GRIN2B: variants seen among roughly 807,000 people sequenced by gnomAD.
GRIN2B encodes glutamate ionotropic receptor NMDA type subunit 2B, also known as glutamate receptor ionotropic, NMDA 2B.
Under a neutral mutation model 114.5 loss-of-function variants are expected in GRIN2B, and 5 were observed. The ratio of observed to expected loss-of-function variants is 0.04; its 90% CI spans 0.02 to 0.09. The LOEUF is 0.09. Among genes scored for constraint, GRIN2B ranks in the 10% least tolerant of loss-of-function variants. The pLI is 1.00. For missense variants in GRIN2B, 1,108 were observed against 1,943.5 expected (o/e 0.57, Z 8.08); for synonymous variants, 787 against 745.1 (o/e 1.06, Z -0.92).
chr12:13,810,370 G>A (rs935412756), intron 3 of GRIN2B, among the ~76,000 whole-genome samples: 4 of 151,564 alleles, frequency 2.6e-5, no homozygotes, highest in Non-Finnish European at 5.9e-5. Flanking sequence ...GTGTGTGTGT[G>A]CGCGCATTTG....
rs200144225 is a variant in GRIN2B, at chr12:13,717,070, T to C, written c.1010+36247A>G. Among the ~76,000 whole-genome samples the C allele has an allele frequency of 4.7e-3, 434 of 91,862 alleles. 6 individuals are homozygous for C. The East Asian group carries it at 0.055, about 12-fold the overall frequency. 60.3% of individuals were successfully genotyped at this position (91,862 alleles called of 152,430 possible). ...TGCATTGTATCATGCCATACGCGTG[T>C]GTGTGTGTGTGTGTGTGTGTGTGTG... On this transcript the variant is annotated intron_variant, in intron 4 of 13. Coordinates refer to ENST00000609686, the MANE Select transcript of GRIN2B (RefSeq NM_000834.5).
rs997687741 is a variant in GRIN2B at position 13,741,188 on chromosome 12, C to T, written c.1010+12129G>A. Among the ~76,000 whole-genome samples, 11 of 152,132 alleles carry T rather than the reference C, an allele frequency of 7.2e-5. 1 individual carries two copies. Among genetic ancestry groups the T allele is most frequent in the Admixed American group, 2.0e-4 (3 of 15,280 alleles). ...GGGATTACAGGCATCCGCCACCACG[C>T]CCGGCTAATTTTTTTGTATTTTTAG... On this transcript the variant is annotated intron_variant, in intron 4 of 13. Coordinates refer to ENST00000609686, the MANE Select transcript of GRIN2B (RefSeq NM_000834.5).
intron 2 of GRIN2B, among the ~76,000 whole-genome samples, chr12:13,941,977 T>C (rs965774617): frequency 1.3e-5 from 2 of 152,198 alleles, no homozygotes; most frequent in Non-Finnish European, 2.9e-5. Flanking sequence ...TCGGTACAAA[T>C]GTTTGAGTCA....
chr12:13,678,268 GC>G (rs1950094650), intron 4 of GRIN2B, among the ~76,000 whole-genome samples: 1 of 152,050 alleles, frequency 6.6e-6, no homozygotes, highest in African/African-American at 2.4e-5. Flanking sequence ...CTCCTGTCCA[GC>G]CCACCACCAC....
chr12:13,619,395 A>G (rs771195763), intron 5 of GRIN2B, among the ~76,000 whole-genome samples: 14 of 152,230 alleles, frequency 9.2e-5, no homozygotes, highest in Non-Finnish European at 1.5e-4. Flanking sequence ...GGAAGGTACG[A>G]ATGATCCTAC....
chr12:13,689,310 C>T (rs1255960790), intron 4 of GRIN2B, among the ~76,000 whole-genome samples: 1 of 152,146 alleles, frequency 6.6e-6, no homozygotes, highest in Non-Finnish European at 1.5e-5. Context: ...TCCTCTCTCT[C>T]AATGAGTTAA....
intron 4 of GRIN2B, among the ~76,000 whole-genome samples, chr12:13,696,011 T>A (rs1391229903): frequency 6.6e-6 from 1 of 152,182 alleles, no homozygotes; most frequent in Non-Finnish European, 1.5e-5. Flanking sequence ...CAGGACACTA[T>A]CAAGGTATGA....
At chr12:13,784,742 GACC>G in intron 3 of GRIN2B, among the ~76,000 whole-genome samples, 1 of 152,304 alleles carries the variant, frequency 6.6e-6, no homozygotes, top group Non-Finnish European at 1.5e-5. Context: ...GAAGATGAGA[GACC>G]ACATGGCTAA....
intron 2 of GRIN2B, among the ~76,000 whole-genome samples, chr12:13,876,612 C>A (rs1865994616): frequency 6.6e-6 from 1 of 152,194 alleles, no homozygotes; most frequent in Non-Finnish European, 1.5e-5. Context: ...CTACCAGCCA[C>A]CAAATAGCCA....
intron 4 of GRIN2B, 46 bp from the exon 5 acceptor site, chr12:13,675,905 TACCATGA>T (rs767963368): frequency 9.1e-7 from 1 of 1,093,382 alleles, no homozygotes; most frequent in African/African-American, 1.5e-5. Flanking sequence ...GAAGAGGGTA[TACCATGA>T]ACAAGGCAGT....
chr12:13,579,791 G>A (rs1948822750), intron 10 of GRIN2B, among the ~76,000 whole-genome samples: 1 of 151,986 alleles, frequency 6.6e-6, no homozygotes. Flanking sequence ...CAGACGCATT[G>A]TCAGATATTT....
chr12:13,846,360 T>C (rs1441350538), intron 3 of GRIN2B, among the ~76,000 whole-genome samples: 6 of 152,252 alleles, frequency 3.9e-5, no homozygotes, highest in Non-Finnish European at 1.5e-5. Context: ...ATATTAGCCC[T>C]ACTCTCTTTC....
chr12:13,811,154 T>A (rs371655200), intron 3 of GRIN2B, among the ~76,000 whole-genome samples: 2 of 152,152 alleles, frequency 1.3e-5, no homozygotes, highest in Non-Finnish European at 2.9e-5. Context: ...GGGAAGGGGA[T>A]AAGAAAAATG....
chr12:13,735,086 G>T (rs917733845), intron 4 of GRIN2B, among the ~76,000 whole-genome samples: 4 of 152,140 alleles, frequency 2.6e-5, no homozygotes, highest in Middle Eastern at 3.2e-3. Context: ...AAGAAATGTG[G>T]ACCACATCCA....
intron 2 of GRIN2B, among the ~76,000 whole-genome samples, chr12:13,912,248 C>T (rs1292244998): frequency 2.0e-5 from 3 of 152,034 alleles, no homozygotes; most frequent in Non-Finnish European, 2.9e-5. Context: ...TAATAACCAA[C>T]TGGGGTCTCT....
intron 2 of GRIN2B, among the ~76,000 whole-genome samples, chr12:13,866,802 A>T (rs1427789500): frequency 6.6e-6 from 1 of 152,206 alleles, no homozygotes; most frequent in Admixed American, 6.5e-5. Flanking sequence ...ATATTAAACT[A>T]CAAGAACAAC....
At chr12:13,795,406 C>T (rs538408402) in intron 3 of GRIN2B, among the ~76,000 whole-genome samples, 6 of 151,208 alleles carry the variant, frequency 4.0e-5, no homozygotes, top group African/African-American at 7.3e-5. Flanking sequence ...ATTGGAAGAA[C>T]TGAATTTGAT....
At chr12:13,935,085 G>C (rs181996706) in intron 2 of GRIN2B, among the ~76,000 whole-genome samples, 472 of 152,266 alleles carry the variant, frequency 3.1e-3, no homozygotes, top group Non-Finnish European at 4.7e-3. Flanking sequence ...GTAAGATAGA[G>C]AGATAGAAGG....
chr12:13,711,195 A>G (rs2136580633), intron 4 of GRIN2B, among the ~76,000 whole-genome samples: 1 of 151,798 alleles, frequency 6.6e-6, no homozygotes, highest in African/African-American at 2.4e-5. Flanking sequence ...CTGAAACTGG[A>G]TCCCTTCCTT....
Sources: allele counts gnomAD v4.1 joint callset (sites outside exome capture counted in the v4.1 genomes callset), GRCh38; gene constraint gnomAD v4.1.1; transcripts MANE v1.5; gene names NCBI Gene and HGNC (gene_info 2026-07-23, HGNC 2026-07-21).